The following TAOK3 variants were observed in gnomAD, a reference collection of about 807,000 sequenced individuals.
TAOK3 encodes TAO kinase 3.
Under a neutral mutation model 120.4 loss-of-function variants are expected in TAOK3, and 40 were observed. The ratio of observed to expected loss-of-function variants is 0.33; its 90% CI spans 0.26 to 0.43. TAOK3 has a LOEUF of 0.43. Among genes scored for constraint, TAOK3 ranks in the 20% least tolerant of loss-of-function variants. The probability of loss-of-function intolerance (pLI) is 1.00; values close to 1 mark genes in which losing one functional copy is unlikely to be tolerated. For missense variants in TAOK3, 821 were observed against 1,112.1 expected (o/e 0.74, Z 3.72); for synonymous variants, 355 against 387.5 (o/e 0.92, Z 0.99).
intron 9 of TAOK3, 166 bp from the exon 10 acceptor site, chr12:118,214,276 T>C (rs892626184): frequency 1.8e-5 from 10 of 548,326 alleles, no homozygotes; most frequent in African/African-American, 4.0e-5. Context: ...AAGATAGCCA[T>C]TCAGAAGAAG....
At chr12:118,283,388 G>A (rs749237175) in intron 1 of TAOK3, among the ~76,000 whole-genome samples, 11 of 152,184 alleles carry the variant, frequency 7.2e-5, no homozygotes, top group Non-Finnish European at 1.3e-4. Context: ...AGATGGGTAG[G>A]TGCTTAATGC....
intron 10 of TAOK3, 52 bp downstream of exon 10, chr12:118,213,965 C>T: frequency 6.9e-7 from 1 of 1,459,424 alleles, no homozygotes; most frequent in South Asian, 1.2e-5. Context: ...ATAAAAATGT[C>T]AAATACATAC....
intron 14 of TAOK3, among the ~76,000 whole-genome samples, chr12:118,182,607 A>G (rs1465714569): frequency 3.5e-5 from 3 of 84,886 alleles, no homozygotes; most frequent in African/African-American, 1.0e-4. Context: ...GTGTATATAT[A>G]TATATATATA....
chr12:118,265,683 T>G (rs2041418146), intron 2 of TAOK3, among the ~76,000 whole-genome samples: 1 of 152,134 alleles, frequency 6.6e-6, no homozygotes, highest in African/African-American at 2.4e-5. Flanking sequence ...AAGAATAGGA[T>G]GGGTATGCTC....
At chr12:118,341,391 T>A (rs2044612618) in intron 1 of TAOK3, among the ~76,000 whole-genome samples, 1 of 142,130 alleles carries the variant, frequency 7.0e-6, no homozygotes, top group Non-Finnish European at 1.5e-5. Context: ...AATGGTCCCA[T>A]AAATTTCTTT....
intron 19 of TAOK3, among the ~76,000 whole-genome samples, chr12:118,155,559 T>C (rs1287316042): frequency 1.3e-5 from 2 of 152,172 alleles, no homozygotes; most frequent in Non-Finnish European, 2.9e-5. Context: ...AAAAATGAAA[T>C]GAGGTAACAC....
At chr12:118,337,277 T>C (rs957327184) in intron 1 of TAOK3, among the ~76,000 whole-genome samples, 2 of 152,184 alleles carry the variant, frequency 1.3e-5, no homozygotes, top group Non-Finnish European at 2.9e-5. Flanking sequence ...GGTGAGGATA[T>C]GGAGAAACTG....
intron 8 of TAOK3, 127 bp from the exon 9 acceptor site, chr12:118,233,892 T>G: frequency 1.5e-6 from 1 of 645,260 alleles, no homozygotes. Context: ...TATTATTTCC[T>G]TACACAAATA....
At chr12:118,347,580 C>T (rs558552704) in intron 1 of TAOK3, among the ~76,000 whole-genome samples, 3 of 152,268 alleles carry the variant, frequency 2.0e-5, no homozygotes, top group South Asian at 2.1e-4. Context: ...TGCCGCATCT[C>T]CTTACAAGGT....
At chr12:118,314,240 A>G (rs1366761579) in intron 1 of TAOK3, among the ~76,000 whole-genome samples, 3 of 152,216 alleles carry the variant, frequency 2.0e-5, no homozygotes, top group African/African-American at 7.2e-5. Flanking sequence ...GTTTTTACCC[A>G]AAATCAATGT....
chr12:118,187,845 T>C (rs2037165863), intron 14 of TAOK3, among the ~76,000 whole-genome samples: 1 of 152,204 alleles, frequency 6.6e-6, no homozygotes, highest in Admixed American at 6.5e-5. Context: ...GGATGGGCAC[T>C]AGGAAGCCTG....
At chr12:118,152,057 T>C (rs795484) in intron 20 of TAOK3, among the ~76,000 whole-genome samples, 170 bp downstream of exon 20, 107,586 of 151,966 alleles carry the variant, frequency 0.71, 38,181 homozygotes, top group South Asian at 0.76. Context: ...GGTGTTTCGG[T>C]CTGTAGAAGG....
chr12:118,356,301 T>C (rs1019221818), intron 1 of TAOK3, among the ~76,000 whole-genome samples: 1 of 146,398 alleles, frequency 6.8e-6, no homozygotes, highest in East Asian at 2.0e-4. Context: ...CTTTCTTTTT[T>C]TTTTTTTTTT....
intron 16 of TAOK3, among the ~76,000 whole-genome samples, chr12:118,174,272 A>G (rs1256024853): frequency 2.6e-5 from 4 of 152,184 alleles, no homozygotes; most frequent in Non-Finnish European, 4.4e-5. Flanking sequence ...ATATCTAAAT[A>G]TATATGCCAC....
chr12:118,173,965 C>T (rs2036167136), intron 16 of TAOK3, among the ~76,000 whole-genome samples: 2 of 152,176 alleles, frequency 1.3e-5, no homozygotes, highest in South Asian at 4.1e-4. Context: ...TAAGTGAAAT[C>T]TTAGAATCAA....
intron 1 of TAOK3, among the ~76,000 whole-genome samples, chr12:118,303,435 C>T (rs114556686): frequency 4.3e-4 from 65 of 152,276 alleles, no homozygotes; most frequent in African/African-American, 1.5e-3. Flanking sequence ...AGAACACTTG[C>T]CAAAAGTCTG....
chr12:118,286,825 C>T (rs1318021099), intron 1 of TAOK3, among the ~76,000 whole-genome samples: 2 of 152,142 alleles, frequency 1.3e-5, no homozygotes, highest in Non-Finnish European at 2.9e-5. Context: ...ATCCAAATGC[C>T]CATCAATCAA....
rs2034384181 is a variant in TAOK3 at position 118,151,234 on chromosome 12, G to T, written c.2536-76C>A. On this transcript the variant is annotated intron_variant, in intron 20 of 20. Transcript: ENST00000392533. Reference sequence around the variant, plus strand: ...CCCACGTGCACGCGATACACCCATAGGCACACATATGACATGCACACACAC... The same window carrying T: ...CCCACGTGCACGCGATACACCCATATGCACACATATGACATGCACACACAC... 5 of 1,499,774 alleles carry T rather than the reference G, an allele frequency of 3.3e-6. No individual in the cohort carries two copies. In the Admixed American group the frequency reaches 5.5e-5, roughly 16 times the overall value. 92.9% of individuals were successfully genotyped at this position (1,499,774 alleles called of 1,614,324 possible). A position where few individuals can be genotyped will look rare whatever the true frequency, so the allele number is the denominator to read the frequency against.
chr12:118,174,337 T>C (rs1213571582), intron 16 of TAOK3, among the ~76,000 whole-genome samples: 2 of 151,816 alleles, frequency 1.3e-5, no homozygotes, highest in Non-Finnish European at 2.9e-5. Context: ...AGCTTTTGCA[T>C]AGAATGGTCT....
Sources: gnomAD v4.1 joint callset for allele counts (sites outside exome capture counted in the v4.1 genomes callset) on GRCh38, gnomAD v4.1.1 for gene constraint, MANE v1.5 for transcripts, NCBI Gene and HGNC (gene_info 2026-07-23, HGNC 2026-07-21) for gene names.